The following DNAH11 variants were observed in gnomAD, a reference collection of about 807,000 sequenced individuals.
DNAH11 encodes the protein axonemal beta dynein heavy chain 11.
DNAH11 carries 442 observed loss-of-function variants against 526.0 expected under a neutral mutation model. The ratio of observed to expected loss-of-function variants is 0.84; its 90% CI spans 0.78 to 0.91. DNAH11 has a LOEUF of 0.91. DNAH11 is among the 40% of genes least tolerant of loss of function. The pLI is 0.00. For synonymous variants in DNAH11, 2,461 were observed against 1,935.9 expected (o/e 1.27, Z -7.12); for missense variants, 6,989 against 5,448.7 (o/e 1.28, Z -8.90).
rs760125669 is a variant in DNAH11 at position 21,808,062 on chromosome 7, C to T, written c.10332+13C>T. The T allele has an allele frequency of 1.4e-6, 2 of 1,447,446 alleles. No homozygotes were observed. Among genetic ancestry groups the T allele is most frequent in the Non-Finnish European group, 1.8e-6 (2 of 1,082,986 alleles). The allele number at this position is 1,447,446 out of a possible 1,614,324, so 89.7% of individuals were successfully genotyped here. On this transcript the variant is annotated intron_variant, in intron 63 of 81. Transcript: ENST00000409508. ...TCTTCAACAGAAGGTAAGTTCAGTT[C>T]CTTACCTTGTCAGCAGGTAGAAAGA...
In DNAH11 at chr7:21,842,645, C is replaced by T. The variant is rs911976426; in HGVS notation, c.10793C>T (p.Ala3598Val). ...ANPHYKPELQ[A>V]QTTLLNFTVT... is the part of the protein sequence containing the mutation. ...CCTCACTATAAGCCGGAATTACAAG[C>T]TCAGACAACTCTCCTCAATTTCACA... is the stretch of plus-strand genomic sequence containing the variant. The change falls in exon 66 of 82, where the codon GCT becomes GTT. Residue 3598 changes from alanine (A) to valine (V), a missense_variant. Physicochemically the swap from Ala to Val is moderately conservative, Grantham distance 64 (BLOSUM62 0). Coordinates refer to ENST00000409508, the MANE Select transcript of DNAH11 (RefSeq NM_001277115.2). 1.9e-6 allele frequency: 3 copies of T among 1,613,950 alleles called. No individual in the cohort carries two copies. Among genetic ancestry groups the T allele is most frequent in the Admixed American group, 1.7e-5 (1 of 60,018 alleles).
In DNAH11 at chr7:21,606,485, C is replaced by T. The variant is rs746981588; in HGVS notation, c.3708C>T (p.Val1236=). 4 of 1,611,368 alleles carry T rather than the reference C, an allele frequency of 2.5e-6. No homozygotes were observed. The East Asian group carries it at 6.7e-5, about 27-fold the overall frequency. ...TCGCAGCAACTGTCAGACATGAAGT[C>T]TCACCTCTCCATAATGCGGAAGTCA... The part of the protein sequence containing the change: ...KKIAATVRHE[V]SPLHNAEVTL... The change falls in exon 19 of 82, where the codon GTC becomes GTT. Residue 1236 remains valine (V), a synonymous_variant. Transcript: ENST00000409508.
chr7:21,658,927 G>T lies in DNAH11; in HGVS notation c.5224G>T (p.Ala1742Ser), dbSNP rs764052634. 6.2e-7 allele frequency: 1 copy of T among 1,610,376 alleles called. No homozygotes were observed. Among genetic ancestry groups the T allele is most frequent in the African/African-American group, 1.3e-5 (1 of 74,904 alleles). Residue 1742 changes from alanine to serine, a missense_variant, in exon 30 of 82, where the codon GCA becomes TCA. Coordinates refer to ENST00000409508, the MANE Select transcript of DNAH11 (RefSeq NM_001277115.2). The part of the protein sequence containing the change: ...LWIFDFPAQV[A>S]LTSSQIWWTT... ...GATTTTTGATTTCCCAGCTCAGGTT[G>T]CACTAACCAGCTCACAAATATGGTG...
At chr7:21,545,274 T>TATAAAAAAA (rs1782763983) in intron 2 of DNAH11, 125 bp downstream of exon 2, 2 of 120,222 alleles carry the variant, frequency 1.7e-5, no homozygotes, top group Non-Finnish European at 2.7e-5. Context: ...TGGGGGTGGT[T>TATAAAAAAA]AAAAAAAAAA....
chr7:21,836,164 G>T (rs1781988691), intron 65 of DNAH11, among the ~76,000 whole-genome samples: 1 of 139,310 alleles, frequency 7.2e-6, no homozygotes, highest in African/African-American at 2.7e-5. Flanking sequence ...TTGTAAAACT[G>T]TCCATACTAC....
intron 76 of DNAH11, among the ~76,000 whole-genome samples, chr7:21,885,181 A>AAAAAC (rs1784082530): frequency 6.8e-6 from 1 of 147,654 alleles, no homozygotes; most frequent in Non-Finnish European, 1.5e-5. Flanking sequence ...TAAAAAAAAA[A>AAAAAC]AAAAAAACAC....
chr7:21,819,376 C>T (rs187279812), intron 65 of DNAH11, among the ~76,000 whole-genome samples: 46 of 152,198 alleles, frequency 3.0e-4, no homozygotes, highest in Non-Finnish European at 4.4e-4. Context: ...TAAGTAAATC[C>T]ATTTAGAGTG....
At chr7:21,552,510 G>A (rs1783060039) in intron 2 of DNAH11, among the ~76,000 whole-genome samples, 1 of 152,034 alleles carries the variant, frequency 6.6e-6, no homozygotes, top group Non-Finnish European at 1.5e-5. Flanking sequence ...TTAGAGACTT[G>A]CAATCTCCAT....
Position 21,749,817 on chromosome 7 carries a change from C to G in DNAH11, c.8797+16C>G. ...CTGGCATCAGGTGATTAAACCAACA[C>G]ATTTCTTGAAAGATCTTCCCCAATG... On this transcript the variant is annotated intron_variant, in intron 53 of 81. Coordinates refer to ENST00000409508, the MANE Select transcript of DNAH11 (RefSeq NM_001277115.2). 1 of 1,613,156 alleles carries G rather than the reference C, an allele frequency of 6.2e-7. No individual in the cohort carries two copies. Among genetic ancestry groups the G allele is most frequent in the Non-Finnish European group, 8.5e-7 (1 of 1,179,490 alleles).
intron 65 of DNAH11, among the ~76,000 whole-genome samples, chr7:21,836,242 T>TA (rs1210900359): frequency 1.3e-5 from 2 of 151,964 alleles, no homozygotes; most frequent in Admixed American, 6.6e-5. Flanking sequence ...CAGAAATAGA[T>TA]AAAACCATCC....
chr7:21,900,834 A>C, intron 81 of DNAH11, 173 bp from the exon 82 acceptor site: 2 of 1,048,252 alleles, frequency 1.9e-6, no homozygotes, highest in Non-Finnish European at 2.6e-6. Context: ...CGCTGCAGGC[A>C]GGGTAACCTA....
intron 39 of DNAH11, among the ~76,000 whole-genome samples, chr7:21,706,838 A>G (rs1368989488): frequency 1.3e-5 from 2 of 152,238 alleles, no homozygotes; most frequent in East Asian, 1.9e-4. Flanking sequence ...TATCTAAGAC[A>G]AAAGCCACAG....
At chr7:21,721,021 A>G (rs534574827) in intron 44 of DNAH11, among the ~76,000 whole-genome samples, 165 bp downstream of exon 44, 1 of 152,200 alleles carries the variant, frequency 6.6e-6, no homozygotes, top group South Asian at 2.1e-4. Context: ...CCCATCCCTG[A>G]TGGTTCTAAC....
At chr7:21,549,414 A>G (rs1220355855) in intron 2 of DNAH11, among the ~76,000 whole-genome samples, 1 of 151,446 alleles carries the variant, frequency 6.6e-6, no homozygotes, top group Admixed American at 6.6e-5. Flanking sequence ...CTTTACCTTA[A>G]TTATTTTTAC....
chr7:21,572,055 AG>A, intron 8 of DNAH11, 82 bp downstream of exon 8: 2 of 1,221,166 alleles, frequency 1.6e-6, no homozygotes, highest in African/African-American at 1.6e-5. Context: ...CAGTGATAAT[AG>A]GGACCATCCA....
Position 21,600,026 on chromosome 7 carries a change from C to G in DNAH11, c.2907C>G (p.Phe969Leu), listed in dbSNP as rs777691425. ...PSLDREAGDG[F>L]YDLVEEMLCN... is the part of the protein sequence containing the mutation. The stretch of plus-strand genomic sequence containing the variant: ...TAGACAGAGAGGCTGGGGATGGCTT[C>G]TATGATCTTGTAGAAGAAATGTTAT... Residue 969 changes from phenylalanine to leucine, a missense_variant, in exon 15 of 82, where the codon TTC (phenylalanine) becomes TTG (leucine). Coordinates refer to ENST00000409508, the MANE Select transcript of DNAH11 (RefSeq NM_001277115.2). 2 of 1,609,212 alleles carry G rather than the reference C, an allele frequency of 1.2e-6. No individual in the cohort carries two copies. Among genetic ancestry groups the G allele is most frequent in the Non-Finnish European group, 1.7e-6 (2 of 1,176,876 alleles).
At chr7:21,616,168 C>T in intron 21 of DNAH11, 41 bp from the exon 22 acceptor site, 1 of 1,510,208 alleles carries the variant, frequency 6.6e-7, no homozygotes, top group Non-Finnish European at 9.2e-7. Flanking sequence ...CTTGCTTTCA[C>T]CAAATGTTGT....
intron 9 of DNAH11, among the ~76,000 whole-genome samples, chr7:21,586,924 C>T (rs183520040): frequency 6.6e-6 from 1 of 152,196 alleles, no homozygotes; most frequent in Non-Finnish European, 1.5e-5. Flanking sequence ...GCTAGACTGC[C>T]TGGTTTCAAA....
intron 64 of DNAH11, 24 bp downstream of exon 64, chr7:21,816,726 G>T: frequency 6.2e-7 from 1 of 1,600,910 alleles, no homozygotes. Flanking sequence ...GAAGAGACTG[G>T]CTTTCTGTTT....
Sources: gnomAD v4.1 joint callset for allele counts (sites outside exome capture counted in the v4.1 genomes callset) on GRCh38, gnomAD v4.1.1 for gene constraint, MANE v1.5 for transcripts, NCBI Gene and HGNC (gene_info 2026-07-23, HGNC 2026-07-21) for gene names.